Variants in HOXD12 observed in about 807,000 individuals in gnomAD.
HOXD12 encodes homeobox D12.
A neutral mutation model predicts 20.2 loss-of-function variants in HOXD12; 21 were observed. That is an observed-to-expected ratio of 1.04 (90% CI 0.74 to 1.50). HOXD12 has a LOEUF of 1.50. HOXD12 is among the 40% of genes most tolerant of loss of function. The pLI, the probability that HOXD12 is intolerant of heterozygous loss-of-function variation, is 0.00. For synonymous variants in HOXD12, 196 were observed against 168.8 expected, an observed-to-expected ratio of 1.16 and a Z score of -1.25; for missense variants, 472 against 365.5, an observed-to-expected ratio of 1.29 and a Z score of -2.38.
rs1419015473 is a variant in HOXD12, at chr2:176,101,876, G to T, written c.*1116G>T. 2.0e-5 allele frequency among the ~76,000 whole-genome samples: 3 copies of T among 152,192 alleles called. No individual in the cohort carries two copies. The highest frequency in any genetic ancestry group is 7.2e-5 in the African/African-American group (3 of 41,442). On this transcript the variant is annotated 3_prime_UTR_variant, in exon 2 of 2. Coordinates refer to ENST00000406506, the MANE Select transcript of HOXD12 (RefSeq NM_021193.4). ...GGGAAGGAAGTCTCTTAGATTCTCT[G>T]CCCCGCTAGCTGCTCTTGACAAAGC... is the stretch of plus-strand genomic sequence containing the variant.
rs994654734 is a variant in HOXD12, at chr2:176,102,365, T to C, written c.*1605T>C. ...GTTGATATTTAAACTAATTTCATTTTCTAGGCTATCTAATAGTTATCATGC... is the reference window on the plus strand; with the variant it reads ...GTTGATATTTAAACTAATTTCATTTCCTAGGCTATCTAATAGTTATCATGC... On this transcript the variant is annotated 3_prime_UTR_variant, in exon 2 of 2. Transcript: ENST00000406506. Among the ~76,000 whole-genome samples, 3 of 152,250 alleles carry C rather than the reference T, an allele frequency of 2.0e-5. No individual in the cohort carries two copies. The highest frequency in any genetic ancestry group is 7.2e-5 in the African/African-American group (3 of 41,466).
At chr2:176,100,476 A>G (rs1184532551) in intron 1 of HOXD12, 46 bp from the exon 2 acceptor site, 2 of 1,589,050 alleles carry the variant, frequency 1.3e-6, no homozygotes, top group African/African-American at 1.3e-5. Flanking sequence ...GGCGGGCAAT[A>G]GACAGAGTAC....
At position 176,102,429 on chromosome 2, in the gene HOXD12, T is replaced by C. The variant is rs372549209; in HGVS notation, c.*1669T>C. 9.8e-5 allele frequency among the ~76,000 whole-genome samples: 15 copies of C among 152,376 alleles called. 1 individual carries two copies. The South Asian group carries it at 3.1e-3, about 32-fold the overall frequency. On this transcript the variant is annotated 3_prime_UTR_variant, in exon 2 of 2. Coordinates refer to ENST00000406506, the MANE Select transcript of HOXD12 (RefSeq NM_021193.4). ...ATTTTGTCAAAAACAGTAGCTTGTA[T>C]ATATCAGACACAATATATACAAATG...
rs377671334 is a variant in HOXD12, at chr2:176,100,529, G to A, written c.582G>A (p.Pro194=). 6.2e-6 allele frequency: 10 copies of A among 1,603,390 alleles called. No individual in the cohort carries two copies. Among genetic ancestry groups the A allele is most frequent in the African/African-American group, 4.0e-5 (3 of 74,810 alleles). Residue 194 remains proline, a synonymous_variant, in exon 2 of 2, where the codon CCG becomes CCA. Coordinates refer to ENST00000406506, the MANE Select transcript of HOXD12 (RefSeq NM_021193.4). The part of the protein sequence containing the change: ...CLRPSLPDGL[P]WGAAPGRARK... ...GTTGGGGCTGTGTTGCAGGCCTGCC[G>A]TGGGGGGCGGCCCCGGGGAGGGCCC... is the stretch of plus-strand genomic sequence containing the variant.
Position 176,100,994 on chromosome 2 carries a change from G to T in HOXD12, c.*234G>T, listed in dbSNP as rs1689487138. 1.7e-6 allele frequency: 1 copy of T among 583,672 alleles called. No individual in the cohort carries two copies. Among genetic ancestry groups the T allele is most frequent in the South Asian group, 2.1e-5 (1 of 47,148 alleles). The allele number at this position is 583,672 out of a possible 1,614,324, so 36.2% of individuals were successfully genotyped here. A position where few individuals can be genotyped will look rare whatever the true frequency, so the allele number is the denominator to read the frequency against. On this transcript the variant is annotated 3_prime_UTR_variant, in exon 2 of 2. Coordinates refer to ENST00000406506, the MANE Select transcript of HOXD12 (RefSeq NM_021193.4). ...CAGTGCAACTCTGGCTGGCCTTAAG[G>T]CTTCCACGTTGGGGGACTGAGGCCA...
chr2:176,100,100 T>A lies in HOXD12; in HGVS notation c.299T>A (p.Phe100Tyr). The change falls in exon 1 of 2, where the codon TTC (phenylalanine) becomes TAC (tyrosine). Residue 100 changes from phenylalanine to tyrosine, a missense_variant. Coordinates refer to ENST00000406506, the MANE Select transcript of HOXD12 (RefSeq NM_021193.4). ...AKDGPEEQAK[F>Y]YAPEAAAGPE... ...GACGGACCCGAAGAGCAGGCTAAGT[T>A]CTATGCGCCCGAAGCGGCCGCTGGG... The A allele has an allele frequency of 6.2e-7, 1 of 1,607,290 alleles. No homozygotes were observed. The highest frequency in any genetic ancestry group is 8.5e-7 in the Non-Finnish European group (1 of 1,178,418).
Position 176,099,963 on chromosome 2 carries a change from GC to G in HOXD12, c.165del (p.Ala56ProfsTer117), listed in dbSNP as rs550629689. On this transcript the variant is annotated frameshift_variant, in exon 1 of 2. Transcript: ENST00000406506. LOFTEE classifies it high-confidence loss of function. ...PRGALPWAAT[P>X]ASCAPAQPAG... is the part of the protein sequence containing the mutation. ...GCGGCGCGCTGCCCTGGGCCGCCAC[GC>G]CCGCCTCCTGCGCCCCCGCGCAGCC... 2.6e-4 allele frequency: 418 copies of G among 1,598,106 alleles called. No individual in the cohort carries two copies. The highest frequency in any genetic ancestry group is 3.4e-4 in the Non-Finnish European group (395 of 1,174,360).
Position 176,100,804 on chromosome 2 carries a change from A to T in HOXD12, c.*44A>T. ...CCGGGTTGGATCTGCCCTTTTGGAC[A>T]GAGGCCTTGTTTGGGGAGGGGGATC... On this transcript the variant is annotated 3_prime_UTR_variant, in exon 2 of 2. Transcript: ENST00000406506. 7.4e-7 allele frequency: 1 copy of T among 1,345,210 alleles called. No individual in the cohort carries two copies. The highest frequency in any genetic ancestry group is 1.2e-5 in the South Asian group (1 of 82,902). The allele number at this position is 1,345,210 out of a possible 1,614,324, so 83.3% of individuals were successfully genotyped here.
rs987551809 is a variant in HOXD12 at position 176,101,913 on chromosome 2, G to C, written c.*1153G>C. Among the ~76,000 whole-genome samples the C allele has an allele frequency of 2.0e-5, 3 of 152,324 alleles. No homozygotes were observed. Among genetic ancestry groups the C allele is most frequent in the Middle Eastern group, 3.4e-3 (1 of 294 alleles). ...GCTCTTGACAAAGCAAAGAGGACCA[G>C]AAGTTCCTCTCACCGTCTCTACCAT... is the stretch of plus-strand genomic sequence containing the variant. On this transcript the variant is annotated 3_prime_UTR_variant, in exon 2 of 2. Coordinates refer to ENST00000406506, the MANE Select transcript of HOXD12 (RefSeq NM_021193.4).
intron 1 of HOXD12, 32 bp downstream of exon 1, chr2:176,100,407 T>G: frequency 6.2e-7 from 1 of 1,608,470 alleles, no homozygotes; most frequent in South Asian, 1.1e-5. Context: ...CGGGCCGGTT[T>G]GGGCCGGGAT....
In HOXD12 at chr2:176,099,867, CTCTT is replaced by C. The variant is rs1367504573; in HGVS notation, c.70_73del (p.Phe24ThrfsTer5). On this transcript the variant is annotated frameshift_variant, in exon 1 of 2. Transcript: ENST00000406506. LOFTEE classifies it high-confidence loss of function. Reference sequence around the variant, plus strand: ...CGCTTCTGAATCTGCAGTCGCCAGACTCTTTCTACTTCTCCAACCTGAGGCCGAA... The same window carrying C: ...CGCTTCTGAATCTGCAGTCGCCAGACTCTACTTCTCCAACCTGAGGCCGAA... 6.3e-7 allele frequency: 1 copy of C among 1,585,628 alleles called. No individual in the cohort carries two copies. The highest frequency in any genetic ancestry group is 1.8e-5 in the Admixed American group (1 of 55,070).
rs1406931077 is a variant in HOXD12 at position 176,101,715 on chromosome 2, G to A, written c.*955G>A. Reference sequence around the variant, plus strand: ...GAGAAGGGAGTGAATAAGAGGAGGAGGGGTGCTGCACTCCAACTGTAAATA... The same window carrying A: ...GAGAAGGGAGTGAATAAGAGGAGGAAGGGTGCTGCACTCCAACTGTAAATA... On this transcript the variant is annotated 3_prime_UTR_variant, in exon 2 of 2. Transcript: ENST00000406506. 6.6e-6 allele frequency among the ~76,000 whole-genome samples: 1 copy of A among 152,194 alleles called. No individual in the cohort carries two copies. Among genetic ancestry groups the A allele is most frequent in the Non-Finnish European group, 1.5e-5 (1 of 68,038 alleles).
Position 176,100,134 on chromosome 2 carries a change from G to T in HOXD12, c.333G>T (p.Glu111Asp). 1 of 1,610,870 alleles carries T rather than the reference G, an allele frequency of 6.2e-7. No homozygotes were observed. The highest frequency in any genetic ancestry group is 1.1e-5 in the South Asian group (1 of 90,946). The change falls in exon 1 of 2, where the codon GAG (glutamate) becomes GAT (aspartate). Residue 111 changes from glutamate (E) to aspartate (D), a missense_variant. Physicochemically the swap from Glu to Asp is conservative, Grantham distance 45. Transcript: ENST00000406506. The part of the protein sequence containing the change: ...YAPEAAAGPE[E>D]RGRTRPSFAP... ...CCGAAGCGGCCGCTGGGCCAGAGGA[G>T]CGCGGTCGTACCCGGCCGTCCTTCG...
Position 176,100,578 on chromosome 2 carries a change from A to C in HOXD12, c.631A>C (p.Lys211Gln). The C allele has an allele frequency of 5.6e-6, 9 of 1,612,600 alleles. No individual in the cohort carries two copies. Among genetic ancestry groups the C allele is most frequent in the Middle Eastern group, 1.7e-4 (1 of 6,058 alleles). ...CCGCAAGAAGCGGAAACCCTACACG[A>C]AGCAGCAGATTGCGGAGTTGGAGAA... is the stretch of plus-strand genomic sequence containing the variant. ...RARKKRKPYT[K>Q]QQIAELENEF... Residue 211 changes from lysine (K) to glutamine (Q), a missense_variant, in exon 2 of 2, where the codon AAG becomes CAG. Lys to Gln is a moderately conservative substitution (Grantham distance 53). Transcript: ENST00000406506.
rs574133358 is a variant in HOXD12 at position 176,100,162 on chromosome 2, C to T, written c.361C>T (p.Pro121Ser). The change falls in exon 1 of 2, where the codon CCC (proline) becomes TCC (serine). Residue 121 changes from proline to serine, a missense_variant. By Grantham distance (74) the Pro-to-Ser change is moderately conservative. Coordinates refer to ENST00000406506, the MANE Select transcript of HOXD12 (RefSeq NM_021193.4). Reference protein sequence around the residue: ...ERGRTRPSFAPESSLAPAVAA... With the variant: ...ERGRTRPSFASESSLAPAVAA... ...CGGTCGTACCCGGCCGTCCTTCGCCCCCGAGTCTAGCCTGGCTCCTGCAGT... is the reference window on the plus strand; with the variant it reads ...CGGTCGTACCCGGCCGTCCTTCGCCTCCGAGTCTAGCCTGGCTCCTGCAGT... 1.2e-6 allele frequency: 2 copies of T among 1,612,184 alleles called. No individual in the cohort carries two copies. Among genetic ancestry groups the T allele is most frequent in the Non-Finnish European group, 1.7e-6 (2 of 1,179,752 alleles).
Position 176,099,795 on chromosome 2 carries a change from G to C in HOXD12, c.-7G>C. The C allele has an allele frequency of 6.9e-7, 1 of 1,452,906 alleles. No individual in the cohort carries two copies. The highest frequency in any genetic ancestry group is 1.5e-5 in the African/African-American group (1 of 67,334). 90.0% of individuals were successfully genotyped at this position (1,452,906 alleles called of 1,614,324 possible). A position where few individuals can be genotyped will look rare whatever the true frequency, so the allele number is the denominator to read the frequency against. ...GTTGCGAGCGCAGCCGAAGCCCTTT[G>C]TTGGAGATGTGTGAGCGCAGTCTCT... On this transcript the variant is annotated 5_prime_UTR_variant, in exon 1 of 2. Coordinates refer to ENST00000406506, the MANE Select transcript of HOXD12 (RefSeq NM_021193.4).
rs554195608 is a variant in HOXD12, at chr2:176,101,958, C to A, written c.*1198C>A. Reference sequence around the variant, plus strand: ...TACCATCTGCCAACTCTACCAGAGGCCCAGCTACTGTGCCCCTTCTGAGGC... The same window carrying A: ...TACCATCTGCCAACTCTACCAGAGGACCAGCTACTGTGCCCCTTCTGAGGC... On this transcript the variant is annotated 3_prime_UTR_variant, in exon 2 of 2. Transcript: ENST00000406506. 3.2e-4 allele frequency among the ~76,000 whole-genome samples: 49 copies of A among 152,362 alleles called. No individual in the cohort carries two copies. The highest frequency in any genetic ancestry group is 1.2e-3 in the African/African-American group (48 of 41,586).
At chr2:176,100,441 T>A (rs1689478125) in intron 1 of HOXD12, 66 bp downstream of exon 1, 1 of 1,593,664 alleles carries the variant, frequency 6.3e-7, no homozygotes, top group Non-Finnish European at 8.6e-7. Context: ...CAAGGGAGAG[T>A]GTAAGGGGAG....
chr2:176,100,200 A>G lies in HOXD12; in HGVS notation c.399A>G (p.Lys133=), dbSNP rs766308096. ...TGGCTCCTGCAGTGGCTGCTCTCAAAGCGGCCAAGTATGACTACGCTGGTG... is the reference window on the plus strand; with the variant it reads ...TGGCTCCTGCAGTGGCTGCTCTCAAGGCGGCCAAGTATGACTACGCTGGTG... ...SSLAPAVAAL[K]AAKYDYAGVG... Residue 133 remains lysine (K), a synonymous_variant, in exon 1 of 2, where the codon AAA becomes AAG. Transcript: ENST00000406506. 6.2e-7 allele frequency: 1 copy of G among 1,612,226 alleles called. No individual in the cohort carries two copies. The highest frequency in any genetic ancestry group is 8.5e-7 in the Non-Finnish European group (1 of 1,179,766).
Sources: gnomAD v4.1 joint callset for allele counts (sites outside exome capture counted in the v4.1 genomes callset) on GRCh38, gnomAD v4.1.1 for gene constraint, MANE v1.5 for transcripts, NCBI Gene and HGNC (gene_info 2026-07-23, HGNC 2026-07-21) for gene names.